The following LRTM1 variants were observed in gnomAD, a reference collection of about 807,000 sequenced individuals.
The protein encoded by LRTM1 is leucine rich repeat transmembrane protein 1, also known as leucine-rich repeat and transmembrane domain-containing protein 1.
Under a neutral mutation model 32.4 loss-of-function variants are expected in LRTM1, and 38 were observed. That is an observed-to-expected ratio of 1.17 (90% CI 0.91 to 1.54). The LOEUF (loss-of-function observed/expected upper bound fraction) is 1.54. LRTM1 is among the 40% of genes most tolerant of loss of function. LRTM1 has a pLI of 0.00. For missense variants in LRTM1, 466 were observed against 415.4 expected (o/e 1.12, Z -1.06); for synonymous variants, 186 against 169.9 (o/e 1.09, Z -0.74).
intron 2 of LRTM1, among the ~76,000 whole-genome samples, chr3:54,923,252 G>T (rs1700905659): frequency 6.6e-6 from 1 of 152,118 alleles, no homozygotes. Context: ...CCAAGTACTG[G>T]TGTTGTCTTG....
At chr3:54,946,286 C>A (rs1037299444) in intron 1 of LRTM1, among the ~76,000 whole-genome samples, 10 of 152,182 alleles carry the variant, frequency 6.6e-5, no homozygotes, top group Non-Finnish European at 1.5e-5. Context: ...TGAGTGCCCC[C>A]TCTTATACTC....
Position 54,918,908 on chromosome 3 carries a change from G to A in LRTM1, c.605-16C>T, listed in dbSNP as rs958301492. 1 of 1,513,084 alleles carries A rather than the reference G, an allele frequency of 6.6e-7. No homozygotes were observed. The highest frequency in any genetic ancestry group is 1.4e-5 in the African/African-American group (1 of 71,776). The allele number at this position is 1,513,084 out of a possible 1,614,324, so 93.7% of individuals were successfully genotyped here. ...GTTAGTCCCCCTTTAAAAAACAAAA[G>A]CAAAGAACAATAACAAAGCCTTGAT... On this transcript the variant is annotated splice_polypyrimidine_tract_variant and intron_variant, in intron 2 of 2. Transcript: ENST00000273286.
At chr3:54,926,368 A>G (rs1168341561) in intron 1 of LRTM1, among the ~76,000 whole-genome samples, 3 of 152,138 alleles carry the variant, frequency 2.0e-5, no homozygotes, top group Non-Finnish European at 4.4e-5. Flanking sequence ...ACAGAGTATT[A>G]TAGTAGAGCT....
chr3:54,944,671 T>A (rs907195322), intron 1 of LRTM1, among the ~76,000 whole-genome samples: 1 of 152,230 alleles, frequency 6.6e-6, no homozygotes, highest in African/African-American at 2.4e-5. Flanking sequence ...TCCGCCTGCC[T>A]CAGCCTCCCA....
intron 1 of LRTM1, among the ~76,000 whole-genome samples, chr3:54,934,906 AT>A (rs1701291450): frequency 6.6e-6 from 1 of 151,882 alleles, no homozygotes; most frequent in Admixed American, 6.6e-5. Context: ...TAATTTCTGT[AT>A]TTATTTTCTA....
chr3:54,955,401 G>A (rs1288370528), intron 1 of LRTM1, among the ~76,000 whole-genome samples: 1 of 152,000 alleles, frequency 6.6e-6, no homozygotes, highest in Non-Finnish European at 1.5e-5. Flanking sequence ...ATCTTTCCTG[G>A]TTATTTGATG....
At chr3:54,934,418 C>A (rs1701279596) in intron 1 of LRTM1, among the ~76,000 whole-genome samples, 2 of 152,150 alleles carry the variant, frequency 1.3e-5, no homozygotes, top group South Asian at 4.2e-4. Context: ...TTTTTTCTTG[C>A]CCTTTTGATA....
chr3:54,948,644 A>G, intron 1 of LRTM1, among the ~76,000 whole-genome samples: 1 of 152,222 alleles, frequency 6.6e-6, no homozygotes, highest in East Asian at 1.9e-4. Context: ...GTTTCATGAG[A>G]GACACTTGAC....
At chr3:54,919,197 T>C (rs998161911) in intron 2 of LRTM1, among the ~76,000 whole-genome samples, 2 of 152,230 alleles carry the variant, frequency 1.3e-5, no homozygotes, top group African/African-American at 4.8e-5. Context: ...GAAGGCACGC[T>C]GGGGGCCGAT....
At chr3:54,932,191 T>C (rs1701207023), upstream of LRTM1, among the ~76,000 whole-genome samples, 1 of 151,794 alleles carries the variant, frequency 6.6e-6, no homozygotes, top group African/African-American at 2.4e-5. Context: ...AAAATAATAA[T>C]AATAAATGAA....
intron 1 of LRTM1, among the ~76,000 whole-genome samples, chr3:54,934,398 A>G (rs1381723046): frequency 1.9e-5 from 2 of 106,260 alleles, no homozygotes; most frequent in East Asian, 4.0e-4. Context: ...GGTTGTGTTC[A>G]TCTCCTTGTT....
chr3:54,928,832 A>T (rs571153395), upstream of LRTM1, among the ~76,000 whole-genome samples: 1 of 152,088 alleles, frequency 6.6e-6, no homozygotes, highest in East Asian at 1.9e-4. Flanking sequence ...CACATATAAA[A>T]CAATAAAGCC....
At chr3:54,933,075 TCC>T (rs1701239397) in intron 1 of LRTM1, among the ~76,000 whole-genome samples, 3 of 88,280 alleles carry the variant, frequency 3.4e-5, no homozygotes, top group Non-Finnish European at 7.7e-5. Context: ...CTTCCTTCCT[TCC>T]TTCCTTCCTT....
chr3:54,947,431 G>A (rs1701643535), intron 1 of LRTM1, among the ~76,000 whole-genome samples: 1 of 152,180 alleles, frequency 6.6e-6, no homozygotes, highest in African/African-American at 2.4e-5. Flanking sequence ...GATTCCAGGT[G>A]ATCTCAGCTG....
In LRTM1 at chr3:54,925,062, G is replaced by A. The variant is rs201350786; in HGVS notation, c.161C>T (p.Thr54Met). 1.6e-4 allele frequency: 253 copies of A among 1,614,080 alleles called. No homozygotes were observed. Among genetic ancestry groups the A allele is most frequent in the South Asian group, 1.8e-4 (16 of 91,076 alleles). The change falls in exon 2 of 3, where the codon ACG becomes ATG. Residue 54 changes from threonine to methionine, a missense_variant. Physicochemically the swap from Thr to Met is moderately conservative, Grantham distance 81. Coordinates refer to ENST00000273286, the MANE Select transcript of LRTM1 (RefSeq NM_020678.4). ...IPSHLPPQTR[T>M]LHLQDNQIHH... ...TATCTGATTATCTTGTAAATGCAGC[G>A]TTCGAGTCTGAGGAGGTAAATGGGA...
intron 1 of LRTM1, among the ~76,000 whole-genome samples, chr3:54,956,003 G>T (rs1701881561): frequency 6.6e-6 from 1 of 152,180 alleles, no homozygotes; most frequent in Non-Finnish European, 1.5e-5. Context: ...TCCAGGAAAT[G>T]AGAGGGAAAA....
intron 2 of LRTM1, among the ~76,000 whole-genome samples, chr3:54,921,240 T>C (rs924831782): frequency 3.9e-5 from 6 of 152,194 alleles, no homozygotes; most frequent in African/African-American, 1.2e-4. Flanking sequence ...GAACATTACG[T>C]AGCTGTGCAG....
chr3:54,946,956 C>A (rs541526124), intron 1 of LRTM1, among the ~76,000 whole-genome samples: 1 of 152,320 alleles, frequency 6.6e-6, no homozygotes, highest in South Asian at 2.1e-4. Flanking sequence ...AAAAATTAAT[C>A]TGCCTGTGAC....
chr3:54,944,814 GGTGTGTGTGTGTGT>G (rs34193625), intron 1 of LRTM1, among the ~76,000 whole-genome samples: 7 of 111,362 alleles, frequency 6.3e-5, no homozygotes, highest in Non-Finnish European at 9.1e-5. Flanking sequence ...TAGAGCTGGG[GGTGTGTGTGTGTGT>G]GTGTGTGTGT....
Sources: gnomAD v4.1 joint callset for allele counts (sites outside exome capture counted in the v4.1 genomes callset) on GRCh38, gnomAD v4.1.1 for gene constraint, MANE v1.5 for transcripts, NCBI Gene and HGNC (gene_info 2026-07-23, HGNC 2026-07-21) for gene names.